Variants in SNX24 observed in about 807,000 individuals in gnomAD.
SNX24 encodes the protein sorting nexin 24, also known as sorting nexin-24.
Under a neutral mutation model 28.7 loss-of-function variants are expected in SNX24, and 22 were observed. That is an observed-to-expected ratio of 0.77 (90% confidence interval 0.55 to 1.10). The LOEUF is 1.10. SNX24 is among the 50% of genes least tolerant of loss of function. The pLI, the probability that SNX24 is intolerant of heterozygous loss-of-function variation, is 0.00. For missense variants in SNX24, 221 were observed against 201.1 expected (o/e 1.10, Z -0.60); for synonymous variants, 69 against 71.5 (o/e 0.96, Z 0.18).
intron 1 of SNX24, 100 bp downstream of exon 1, chr5:122,845,793 C>T (rs1754595447): frequency 4.7e-6 from 3 of 639,600 alleles, no homozygotes; most frequent in East Asian, 3.5e-5. Context: ...CGCAGGGGGT[C>T]CCCTCGTTTT....
intron 1 of SNX24, among the ~76,000 whole-genome samples, chr5:122,856,934 C>T (rs1000910873): frequency 6.6e-6 from 1 of 152,130 alleles, no homozygotes; most frequent in African/African-American, 2.4e-5. Context: ...CAGTATCTTT[C>T]CTTCATGGTT....
chr5:122,954,353 T>C (rs1011758526), intron 3 of SNX24, among the ~76,000 whole-genome samples: 1 of 152,110 alleles, frequency 6.6e-6, no homozygotes, highest in African/African-American at 2.4e-5. Flanking sequence ...TCTTGTATTT[T>C]AACTTGGCCA....
chr5:122,964,247 CAAAAAAA>C (rs34174497), intron 3 of SNX24, among the ~76,000 whole-genome samples: 7 of 36,578 alleles, frequency 1.9e-4, no homozygotes, highest in African/African-American at 5.5e-4. Flanking sequence ...GACTCCATCT[CAAAAAAA>C]AAAAAAAAAA....
intron 1 of SNX24, among the ~76,000 whole-genome samples, chr5:122,871,798 T>C (rs1007764704): frequency 2.6e-5 from 4 of 151,986 alleles, no homozygotes; most frequent in African/African-American, 9.7e-5. Flanking sequence ...AAAAAGCTTT[T>C]CTGACCTCAT....
At chr5:122,985,491 G>A (rs1309162298) in intron 3 of SNX24, among the ~76,000 whole-genome samples, 1 of 152,206 alleles carries the variant, frequency 6.6e-6, no homozygotes, top group Admixed American at 6.5e-5. Flanking sequence ...CATCTGTAAA[G>A]TGCTCTTGAG....
At chr5:122,944,451 A>G (rs1326910554) in intron 2 of SNX24, among the ~76,000 whole-genome samples, 3 of 151,982 alleles carry the variant, frequency 2.0e-5, no homozygotes, top group Non-Finnish European at 4.4e-5. Context: ...CCAAAAAAAG[A>G]AGGAGGAAAT....
chr5:122,899,626 C>T (rs1201781782), intron 1 of SNX24, among the ~76,000 whole-genome samples: 1 of 151,786 alleles, frequency 6.6e-6, no homozygotes, highest in Non-Finnish European at 1.5e-5. Context: ...CCAGGCTGGT[C>T]TCAAAATCCT....
intron 1 of SNX24, among the ~76,000 whole-genome samples, chr5:122,848,391 C>T (rs926877906): frequency 5.9e-5 from 9 of 151,922 alleles, no homozygotes; most frequent in Admixed American, 4.6e-4. Flanking sequence ...CCACTGAGCC[C>T]GACCTGTGTT....
chr5:122,847,172 G>A (rs1016227802), intron 1 of SNX24, among the ~76,000 whole-genome samples: 3 of 152,146 alleles, frequency 2.0e-5, no homozygotes, highest in African/African-American at 7.2e-5. Flanking sequence ...GATCTTACCG[G>A]TTCAAGCTAA....
chr5:122,955,476 T>C (rs1264174903), intron 3 of SNX24, among the ~76,000 whole-genome samples: 1 of 152,216 alleles, frequency 6.6e-6, no homozygotes, highest in Non-Finnish European at 1.5e-5. Flanking sequence ...TATACATTTT[T>C]ATAATTATGA....
intron 6 of SNX24, among the ~76,000 whole-genome samples, chr5:123,002,880 A>C (rs904870329): frequency 3.9e-5 from 6 of 152,168 alleles, no homozygotes; most frequent in African/African-American, 1.4e-4. Context: ...TAATTTCCTT[A>C]ACAACCTTGT....
At chr5:122,932,819 A>G (rs1275453211) in intron 1 of SNX24, among the ~76,000 whole-genome samples, 1 of 146,024 alleles carries the variant, frequency 6.8e-6, no homozygotes, top group Non-Finnish European at 1.5e-5. Context: ...AGATTGCACC[A>G]CTGCGCTCCA....
Position 122,972,774 on chromosome 5 carries a change from A to C in SNX24, c.249+26615A>C, listed in dbSNP as rs547638320. ...GTAAGGACAAACCTCTGCCTTTTCC[A>C]TGATGGAAGAGGTCCAGTATAATCA... On this transcript the variant is annotated intron_variant, in intron 3 of 6. Transcript: ENST00000261369. Among the ~76,000 whole-genome samples, 11 of 152,314 alleles carry C rather than the reference A, an allele frequency of 7.2e-5. No homozygotes were observed. In the East Asian group the frequency reaches 2.1e-3, roughly 29 times the overall value.
At chr5:122,870,216 T>A (rs1755911767) in intron 1 of SNX24, among the ~76,000 whole-genome samples, 1 of 152,208 alleles carries the variant, frequency 6.6e-6, no homozygotes, top group Non-Finnish European at 1.5e-5. Flanking sequence ...TCTATCAACC[T>A]AAAGATCTTT....
chr5:123,023,465 C>T (rs998049379), intron 5 of SNX24: 8 of 153,536 alleles, frequency 5.2e-5, no homozygotes, highest in Admixed American at 2.6e-4. Context: ...TCAGATTACA[C>T]TAGTCAAATT....
intron 3 of SNX24, among the ~76,000 whole-genome samples, chr5:122,950,731 G>A (rs1209642852): frequency 6.6e-6 from 1 of 152,164 alleles, no homozygotes; most frequent in Non-Finnish European, 1.5e-5. Flanking sequence ...GTGAATCAAA[G>A]CCTGCTCCTG....
intron 1 of SNX24, among the ~76,000 whole-genome samples, chr5:122,854,944 T>A (rs1755114763): frequency 6.6e-6 from 1 of 152,258 alleles, no homozygotes; most frequent in African/African-American, 2.4e-5. Flanking sequence ...AGTATTTTAT[T>A]GCTAAAAACT....
chr5:123,000,149 C>T (rs1015818897), intron 4 of SNX24, 143 bp downstream of exon 4: 2 of 637,988 alleles, frequency 3.1e-6, no homozygotes, highest in Non-Finnish European at 5.6e-6. Context: ...TCGCTCGCCC[C>T]CTGCTTTTGG....
At chr5:122,875,750 T>C (rs1328458841) in intron 1 of SNX24, among the ~76,000 whole-genome samples, 1 of 152,238 alleles carries the variant, frequency 6.6e-6, no homozygotes, top group Non-Finnish European at 1.5e-5. Flanking sequence ...AGGAGGAGAA[T>C]GGTAGTCCTC....
Sources: allele counts gnomAD v4.1 joint callset (sites outside exome capture counted in the v4.1 genomes callset), GRCh38; gene constraint gnomAD v4.1.1; transcripts MANE v1.5; gene names NCBI Gene and HGNC (gene_info 2026-07-23, HGNC 2026-07-21).